Variants in MAOB observed in about 807,000 individuals in gnomAD.
MAOB encodes amine oxidase [flavin-containing] B.
Under a neutral mutation model 41.9 loss-of-function variants are expected in MAOB, and 15 were observed. The ratio of observed to expected loss-of-function variants is 0.36; its 90% CI spans 0.24 to 0.55. The LOEUF is 0.55. Among genes scored for constraint, MAOB ranks in the 20% least tolerant of loss-of-function variants. The probability of loss-of-function intolerance (pLI) is 0.86; values close to 1 mark genes in which losing one functional copy is unlikely to be tolerated. For missense variants in MAOB, 345 were observed against 398.7 expected (o/e 0.87, Z 1.15); for synonymous variants, 167 against 144.2 (o/e 1.16, Z -1.13).
rs777785247 is a variant in MAOB, at chrX:43,775,276, C to T, written c.1138-4G>A. On this transcript the variant is annotated splice_polypyrimidine_tract_variant and splice_region_variant and intron_variant, in intron 11 of 14. Transcript: ENST00000378069. Reference sequence around the variant, plus strand: ...TCTTTTCTTCATAATGCACTGGCTGCAAGATAGAGCAACAAAAACTTGAAG... The same window carrying T: ...TCTTTTCTTCATAATGCACTGGCTGTAAGATAGAGCAACAAAAACTTGAAG... 1 of 1,200,113 alleles carries T rather than the reference C, an allele frequency of 8.3e-7. No individual in the cohort carries two copies. Among genetic ancestry groups the T allele is most frequent in the Admixed American group, 2.2e-5 (1 of 44,560 alleles).
At chrX:43,783,678 A>T (rs1446005527) in intron 8 of MAOB, among the ~76,000 whole-genome samples, 1 of 112,062 alleles carries the variant, frequency 8.9e-6, no homozygotes, top group Non-Finnish European at 1.9e-5. Context: ...GCTTGCTTCA[A>T]TGTTGATGGC....
At chrX:43,860,922 C>T (rs2035327609) in intron 1 of MAOB, among the ~76,000 whole-genome samples, 1 of 112,108 alleles carries the variant, frequency 8.9e-6, no homozygotes, top group Non-Finnish European at 1.9e-5. Flanking sequence ...CTGATAGTTA[C>T]ATGTTCAGGA....
At chrX:43,813,257 A>G (rs1259980785) in intron 3 of MAOB, among the ~76,000 whole-genome samples, 1 of 111,890 alleles carries the variant, frequency 8.9e-6, no homozygotes, top group Admixed American at 9.5e-5. Context: ...GTTTAAGTTA[A>G]TTCATTTAAT....
chrX:43,852,100 C>A (rs1300377694), intron 1 of MAOB, among the ~76,000 whole-genome samples: 1 of 111,872 alleles, frequency 8.9e-6, no homozygotes, highest in African/African-American at 3.2e-5. Context: ...AGACAAGAGT[C>A]CCCACCTTTC....
At chrX:43,773,785 T>G (rs2034217625) in intron 12 of MAOB, among the ~76,000 whole-genome samples, 1 of 112,103 alleles carries the variant, frequency 8.9e-6, no homozygotes, top group East Asian at 2.8e-4. Context: ...ACGTAAGATG[T>G]GACTTGCTCC....
chrX:43,837,464 C>T (rs1157695337), intron 3 of MAOB, among the ~76,000 whole-genome samples: 1 of 112,290 alleles, frequency 8.9e-6, no homozygotes, highest in Non-Finnish European at 1.9e-5. Flanking sequence ...TCCCAAAGTG[C>T]AGGGATTACA....
At chrX:43,843,367 A>T (rs1269462665) in intron 2 of MAOB, among the ~76,000 whole-genome samples, 3 of 87,501 alleles carry the variant, frequency 3.4e-5, no homozygotes, top group African/African-American at 1.2e-4. Flanking sequence ...TCACACACAC[A>T]CACACACACA....
intron 1 of MAOB, among the ~76,000 whole-genome samples, chrX:43,846,638 G>A (rs1034588121): frequency 9.0e-6 from 1 of 111,262 alleles, no homozygotes; most frequent in African/African-American, 3.3e-5. Context: ...GGGTACATAG[G>A]AAACTGAGTT....
At chrX:43,808,327 G>A (rs776957748) in intron 3 of MAOB, among the ~76,000 whole-genome samples, 2 of 111,877 alleles carry the variant, frequency 1.8e-5, no homozygotes, top group South Asian at 7.5e-4. Flanking sequence ...AATTATTTAG[G>A]TTTTTTTGTT....
intron 11 of MAOB, among the ~76,000 whole-genome samples, chrX:43,778,332 T>A (rs953934076): frequency 9.0e-6 from 1 of 110,870 alleles, no homozygotes; most frequent in East Asian, 2.9e-4. Context: ...GCTACCAGGA[T>A]CTAGGATCTT....
chrX:43,860,118 A>G (rs773670472), intron 1 of MAOB, among the ~76,000 whole-genome samples: 2 of 111,596 alleles, frequency 1.8e-5, no homozygotes, highest in Non-Finnish European at 3.8e-5. Flanking sequence ...TCTCTAACTC[A>G]TTGCTGCTTC....
chrX:43,839,149 T>C (rs1001881957), intron 2 of MAOB, 144 bp from the exon 3 acceptor site: 2 of 359,947 alleles, frequency 5.6e-6, no homozygotes, highest in Non-Finnish European at 9.1e-6. Context: ...GATTTTGTTA[T>C]CAACTCTACT....
At chrX:43,817,667 CCA>C (rs2034833762) in intron 3 of MAOB, among the ~76,000 whole-genome samples, 1 of 111,722 alleles carries the variant, frequency 9.0e-6, no homozygotes, top group South Asian at 3.8e-4. Flanking sequence ...TTCTCTTTCC[CCA>C]TCTACCACTC....
intron 8 of MAOB, among the ~76,000 whole-genome samples, chrX:43,787,511 C>T (rs1268698527): frequency 2.7e-5 from 3 of 112,111 alleles, no homozygotes; most frequent in Non-Finnish European, 3.8e-5. Flanking sequence ...CTAGATTGCA[C>T]ATCTAGATAG....
intron 1 of MAOB, among the ~76,000 whole-genome samples, chrX:43,846,351 A>G (rs1052775109): frequency 8.9e-6 from 1 of 112,832 alleles, no homozygotes; most frequent in African/African-American, 3.2e-5. Flanking sequence ...ATAAACAGTT[A>G]TTAAAACAAA....
At chrX:43,769,471 A>G (rs187251141) in intron 12 of MAOB, 53 bp from the exon 13 acceptor site, 2 of 1,153,969 alleles carry the variant, frequency 1.7e-6, no homozygotes, top group East Asian at 3.2e-5. Flanking sequence ...AGTCAGAGAA[A>G]AGTTTTCCCA....
At chrX:43,790,543 G>A (rs2034450200) in intron 8 of MAOB, among the ~76,000 whole-genome samples, 1 of 111,519 alleles carries the variant, frequency 9.0e-6, no homozygotes, top group African/African-American at 3.3e-5. Flanking sequence ...TAACTCAAAA[G>A]AAATCTCAAA....
chrX:43,843,784 G>A lies in MAOB; in HGVS notation c.47-20C>T. ...CCATACCTGGGAGAAAAGACAGTAAGACATCAGGATCAAATACAAGGATGC... is the reference window on the plus strand; with the variant it reads ...CCATACCTGGGAGAAAAGACAGTAAAACATCAGGATCAAATACAAGGATGC... On this transcript the variant is annotated intron_variant, in intron 1 of 14. Transcript: ENST00000378069. 1 of 1,207,853 alleles carries A rather than the reference G, an allele frequency of 8.3e-7. No homozygotes were observed. Among genetic ancestry groups the A allele is most frequent in the Non-Finnish European group, 1.1e-6 (1 of 893,941 alleles).
chrX:43,846,844 T>A (rs768408135), intron 1 of MAOB, among the ~76,000 whole-genome samples: 1 of 111,951 alleles, frequency 8.9e-6, no homozygotes, highest in African/African-American at 3.2e-5. Flanking sequence ...GAACTTTTAA[T>A]ACATTTTGCC....
Sources: allele counts gnomAD v4.1 joint callset (sites outside exome capture counted in the v4.1 genomes callset), GRCh38; gene constraint gnomAD v4.1.1; transcripts MANE v1.5; gene names NCBI Gene and HGNC (gene_info 2026-07-23, HGNC 2026-07-21).